Variants in GPNMB observed in about 807,000 individuals in gnomAD.
GPNMB encodes glycoprotein nmb, also known as transmembrane glycoprotein NMB.
GPNMB carries 71 observed loss-of-function variants against 57.3 expected under a neutral mutation model. The ratio of observed to expected loss-of-function variants is 1.24; its 90% CI spans 1.02 to 1.51. The LOEUF (loss-of-function observed/expected upper bound fraction) is 1.51, where lower values mean the gene tolerates loss of function less well. Among genes scored for constraint, GPNMB ranks in the 40% most tolerant of loss-of-function variants. The pLI is 0.00. For missense variants in GPNMB, 677 were observed against 691.9 expected (o/e 0.98, Z 0.24); for synonymous variants, 253 against 263.2 (o/e 0.96, Z 0.38).
At chr7:23,254,458 T>C in intron 3 of GPNMB, 146 bp downstream of exon 3, 1 of 631,094 alleles carries the variant, frequency 1.6e-6, no homozygotes, top group South Asian at 2.1e-5. Context: ...GAGTGTGTGG[T>C]CCTACCCAGT....
intron 8 of GPNMB, among the ~76,000 whole-genome samples, chr7:23,269,157 C>T (rs774011674): frequency 6.6e-6 from 1 of 152,026 alleles, no homozygotes; most frequent in Non-Finnish European, 1.5e-5. Context: ...GAGGCTGAGG[C>T]GGTTGATCAC....
At chr7:23,270,933 TAGA>T (rs1403644289) in intron 9 of GPNMB, among the ~76,000 whole-genome samples, 1 of 152,262 alleles carries the variant, frequency 6.6e-6, no homozygotes, top group African/African-American at 2.4e-5. Flanking sequence ...ACTTGTGGCT[TAGA>T]AGAAGTGCTA....
intron 6 of GPNMB, among the ~76,000 whole-genome samples, chr7:23,263,203 G>A (rs1782971548): frequency 6.6e-6 from 1 of 152,088 alleles, no homozygotes. Context: ...TATTAAACTA[G>A]CTTGTTTTTC....
At chr7:23,249,018 A>G (rs1782601520) in intron 1 of GPNMB, among the ~76,000 whole-genome samples, 1 of 152,216 alleles carries the variant, frequency 6.6e-6, no homozygotes, top group Non-Finnish European at 1.5e-5. Flanking sequence ...TTCTGGGCTC[A>G]GTCCTCCCTT....
chr7:23,264,292 C>A (rs140746915), intron 6 of GPNMB, among the ~76,000 whole-genome samples: 2 of 152,098 alleles, frequency 1.3e-5, no homozygotes, highest in Non-Finnish European at 2.9e-5. Flanking sequence ...TTAAGGTGTG[C>A]GTTTCTCTCC....
At chr7:23,255,042 G>A (rs1421615853) in intron 3 of GPNMB, among the ~76,000 whole-genome samples, 2 of 152,138 alleles carry the variant, frequency 1.3e-5, no homozygotes, top group Non-Finnish European at 2.9e-5. Flanking sequence ...GTGGTGAGAT[G>A]GAGTCTTGCC....
chr7:23,259,862 C>T (rs773542072), intron 4 of GPNMB, 118 bp from the exon 5 acceptor site: 5 of 844,546 alleles, frequency 5.9e-6, no homozygotes, highest in Non-Finnish European at 9.5e-6. Context: ...ACCACAGGCC[C>T]ATCCTATTTT....
rs569424773 is a variant in GPNMB at position 23,267,260 on chromosome 7, A to G, written c.1118-626A>G. ...GATGGAGTGCTACTTTCTGATGCAC[A>G]CAAAGGCTCTAGGAACAAAAATCTA... On this transcript the variant is annotated intron_variant, in intron 7 of 10. Coordinates refer to ENST00000258733, the MANE Select transcript of GPNMB (RefSeq NM_002510.3). Among the ~76,000 whole-genome samples, 3 of 152,368 alleles carry G rather than the reference A, an allele frequency of 2.0e-5. No individual in the cohort carries two copies. The South Asian group carries it at 6.2e-4, about 32-fold the overall frequency.
intron 9 of GPNMB, among the ~76,000 whole-genome samples, chr7:23,270,495 T>C (rs1380337025): frequency 1.3e-5 from 2 of 151,682 alleles, no homozygotes; most frequent in African/African-American, 4.9e-5. Flanking sequence ...GGAGAAAGTT[T>C]AAAGGCCAAT....
intron 1 of GPNMB, among the ~76,000 whole-genome samples, chr7:23,251,283 T>G (rs1236782181): frequency 6.6e-6 from 1 of 152,200 alleles, no homozygotes; most frequent in South Asian, 2.1e-4. Context: ...ATATGGCTTC[T>G]CTGAGCACCC....
chr7:23,274,269 T>A lies in GPNMB; in HGVS notation c.*45T>A. On this transcript the variant is annotated 3_prime_UTR_variant, in exon 11 of 11. Transcript: ENST00000258733. ...AGCTCACTTTTCAGTGCCATTGATG[T>A]GAGATGTGCTGGAGTGGCTATTAAC... 7.0e-7 allele frequency: 1 copy of A among 1,426,218 alleles called. No homozygotes were observed. Among genetic ancestry groups the A allele is most frequent in the Non-Finnish European group, 9.9e-7 (1 of 1,012,624 alleles). 88.3% of individuals were successfully genotyped at this position (1,426,218 alleles called of 1,614,324 possible).
chr7:23,262,137 A>T (rs1014917685), intron 6 of GPNMB, among the ~76,000 whole-genome samples: 1 of 152,224 alleles, frequency 6.6e-6, no homozygotes, highest in Admixed American at 6.5e-5. Context: ...TTACAATAAG[A>T]TGTTAGTAAT....
At position 23,260,628 on chromosome 7, in the gene GPNMB, G is replaced by A. The variant is rs149859281; in HGVS notation, c.873G>A (p.Leu291=). 134 of 1,613,940 alleles carry A rather than the reference G, an allele frequency of 8.3e-5. No homozygotes were observed. Among genetic ancestry groups the A allele is most frequent in the Non-Finnish European group, 1.1e-4 (126 of 1,179,972 alleles). Residue 291 remains leucine, a synonymous_variant, in exon 6 of 11, where the codon CTG becomes CTA. Coordinates refer to ENST00000258733, the MANE Select transcript of GPNMB (RefSeq NM_002510.3). ...GGAGCTTCGGGGATAATACTGGCCT[G>A]TTTGTTTCCACCAATCATACTGTGA... is the stretch of plus-strand genomic sequence containing the variant. ...YKWSFGDNTG[L]FVSTNHTVNH...
chr7:23,256,953 C>T lies in GPNMB; in HGVS notation c.429C>T (p.Asp143=), dbSNP rs199354. Residue 143 remains aspartate, a synonymous_variant, in exon 4 of 11, where the codon GAC becomes GAT. Transcript: ENST00000258733. ...GGACAGCATGGTCAGAGGACAGTGA[C>T]GGGGAAAATGGCACCGGCCAAAGCC... The part of the protein sequence containing the change: ...YNWTAWSEDS[D]GENGTGQSHH... 54,543 of 1,613,802 alleles carry T rather than the reference C, an allele frequency of 0.034. 1,543 individuals carry two copies. The highest frequency in any genetic ancestry group is 0.099 in the South Asian group (9,057 of 91,060).
intron 1 of GPNMB, 35 bp downstream of exon 1, chr7:23,246,962 C>A (rs377587977): frequency 6.7e-6 from 10 of 1,489,842 alleles, no homozygotes; most frequent in Non-Finnish European, 9.4e-6. Context: ...TTAACCCATT[C>A]TCTGGCCATT....
At chr7:23,256,775 A>G (rs952368091) in intron 3 of GPNMB, 117 bp from the exon 4 acceptor site, 15 of 737,354 alleles carry the variant, frequency 2.0e-5, no homozygotes, top group Non-Finnish European at 3.5e-5. Context: ...TTAGTTGTCT[A>G]ACTACTTTTA....
intron 9 of GPNMB, among the ~76,000 whole-genome samples, chr7:23,272,390 G>A (rs570493866): frequency 3.9e-5 from 6 of 152,254 alleles, no homozygotes; most frequent in South Asian, 4.1e-4. Flanking sequence ...AGCTACTCAG[G>A]AGGCTGGGGC....
At position 23,260,490 on chromosome 7, in the gene GPNMB, G is replaced by C. The variant is rs1333554157; in HGVS notation, c.735G>C (p.Lys245Asn). ...CTGTGTTTGTGACTATGTTCCAGAA[G>C]AACGATCGAAATTCATCCGACGAAA... is the stretch of plus-strand genomic sequence containing the variant. ...QIPVFVTMFQ[K>N]NDRNSSDETF... Residue 245 changes from lysine to asparagine, a missense_variant, in exon 6 of 11, where the codon AAG (lysine) becomes AAC (asparagine). Physicochemically the swap from Lys to Asn is moderately conservative, Grantham distance 94 (BLOSUM62 0). Transcript: ENST00000258733. 18 of 1,613,538 alleles carry C rather than the reference G, an allele frequency of 1.1e-5. No individual in the cohort carries two copies. Among genetic ancestry groups the C allele is most frequent in the Non-Finnish European group, 1.4e-5 (17 of 1,179,712 alleles).
At chr7:23,271,041 G>C (rs1366673842) in intron 9 of GPNMB, among the ~76,000 whole-genome samples, 1 of 152,242 alleles carries the variant, frequency 6.6e-6, no homozygotes, top group Non-Finnish European at 1.5e-5. Flanking sequence ...GTGGAAGACA[G>C]TTTTTCCGTG....
Sources: gnomAD v4.1 joint callset for allele counts (sites outside exome capture counted in the v4.1 genomes callset) on GRCh38, gnomAD v4.1.1 for gene constraint, MANE v1.5 for transcripts, NCBI Gene and HGNC (gene_info 2026-07-23, HGNC 2026-07-21) for gene names.